Variants in EIPR1 observed in about 807,000 individuals in gnomAD.
EIPR1 encodes EARP and GARP complex-interacting protein 1.
A neutral mutation model predicts 48.1 loss-of-function variants in EIPR1; 25 were observed. That is an observed-to-expected ratio of 0.52 (90% CI 0.38 to 0.73). The LOEUF is 0.73. Among genes scored for constraint, EIPR1 ranks in the 30% least tolerant of loss-of-function variants. The pLI is 0.00. For missense variants in EIPR1, 415 were observed against 506.2 expected (o/e 0.82, Z 1.73); for synonymous variants, 204 against 201.9 (o/e 1.01, Z -0.09).
chr2:3,231,738 T>C (rs537030202), intron 4 of EIPR1, among the ~76,000 whole-genome samples: 3 of 152,366 alleles, frequency 2.0e-5, no homozygotes, highest in African/African-American at 4.8e-5. Context: ...TTTGGTTTAC[T>C]AATATTTTAT....
At chr2:3,219,026 A>G in intron 4 of EIPR1, among the ~76,000 whole-genome samples, 1 of 143,894 alleles carries the variant, frequency 6.9e-6, no homozygotes, top group Non-Finnish European at 1.5e-5. Flanking sequence ...ACCCTGGTAT[A>G]CTCTAGAGCA....
chr2:3,252,569 T>C (rs544878223), intron 4 of EIPR1, among the ~76,000 whole-genome samples: 3 of 152,096 alleles, frequency 2.0e-5, no homozygotes, highest in East Asian at 1.9e-4. Flanking sequence ...CCAGCCTGGG[T>C]GACAGAGGGC....
intron 1 of EIPR1, among the ~76,000 whole-genome samples, chr2:3,355,400 C>T (rs1670697463): frequency 6.6e-6 from 1 of 152,222 alleles, no homozygotes; most frequent in Admixed American, 6.5e-5. Flanking sequence ...CTGATTGGAG[C>T]AGGCCAGTGC....
intron 3 of EIPR1, among the ~76,000 whole-genome samples, chr2:3,307,454 G>A (rs139650623): frequency 6.6e-6 from 1 of 152,320 alleles, no homozygotes; most frequent in Non-Finnish European, 1.5e-5. Context: ...CTACCATGCT[G>A]GGGCCCCAGA....
intron 3 of EIPR1, among the ~76,000 whole-genome samples, chr2:3,285,668 G>A (rs956823693): frequency 2.0e-5 from 3 of 150,350 alleles, no homozygotes; most frequent in Admixed American, 1.3e-4. Flanking sequence ...ATGTCTCCGG[G>A]ACCCTCGCAC....
At chr2:3,350,987 TTC>T (rs1294805034) in intron 2 of EIPR1, among the ~76,000 whole-genome samples, 2 of 150,016 alleles carry the variant, frequency 1.3e-5, no homozygotes, top group East Asian at 2.0e-4. Context: ...TTAAAACACT[TTC>T]TGTCATTTTG....
chr2:3,360,835 A>C (rs1328383168), intron 1 of EIPR1, among the ~76,000 whole-genome samples: 1 of 152,050 alleles, frequency 6.6e-6, no homozygotes, highest in Non-Finnish European at 1.5e-5. Context: ...CTACACTGAG[A>C]GTCTCCCTCC....
intron 3 of EIPR1, among the ~76,000 whole-genome samples, chr2:3,327,452 G>C (rs1039349075): frequency 6.6e-6 from 1 of 152,160 alleles, no homozygotes; most frequent in Non-Finnish European, 1.5e-5. Context: ...CCATAGTGCT[G>C]GGATAACAGG....
In EIPR1 at chr2:3,286,683, G is replaced by A. The variant is rs1282608876; in HGVS notation, c.260-29228C>T. On this transcript the variant is annotated intron_variant, in intron 3 of 8. Transcript: ENST00000382125. The surrounding 1 kb of genome is among the most constrained non-coding windows in gnomAD (Gnocchi z 4.2). ...CGAGACAGCGGCTGGCAGAGCACAGGCAGCAATGCCCCAGAGGAACAAGCC... is the reference window on the plus strand; with the variant it reads ...CGAGACAGCGGCTGGCAGAGCACAGACAGCAATGCCCCAGAGGAACAAGCC... 6.6e-6 allele frequency among the ~76,000 whole-genome samples: 1 copy of A among 152,246 alleles called. No homozygotes were observed. Among genetic ancestry groups the A allele is most frequent in the Non-Finnish European group, 1.5e-5 (1 of 68,036 alleles).
chr2:3,377,439 A>AG lies in EIPR1; in HGVS notation c.42+208dup, dbSNP rs1659928017. ...TCGGGACAGGATGTGAAGGGGAAGG[A>AG]GGCAGGCCGGCTGTGGCCAACCCTG... On this transcript the variant is annotated intron_variant, in intron 1 of 8. Coordinates refer to ENST00000382125, the MANE Select transcript of EIPR1 (RefSeq NM_003310.5). 1.2e-5 allele frequency: 6 copies of AG among 510,178 alleles called. No individual in the cohort carries two copies. In the South Asian group the frequency reaches 2.0e-4, roughly 17 times the overall value. 31.6% of individuals were successfully genotyped at this position (510,178 alleles called of 1,614,324 possible). A position where few individuals can be genotyped will look rare whatever the true frequency, so the allele number is the denominator to read the frequency against.
chr2:3,257,141 C>A (rs1281052274), intron 4 of EIPR1, among the ~76,000 whole-genome samples, 158 bp downstream of exon 4: 2 of 152,314 alleles, frequency 1.3e-5, no homozygotes, highest in East Asian at 3.9e-4. Flanking sequence ...CTAGAAAACA[C>A]AGGGACTAAA....
chr2:3,219,020 T>C (rs1391504250), intron 4 of EIPR1, among the ~76,000 whole-genome samples: 2 of 150,988 alleles, frequency 1.3e-5, no homozygotes. Context: ...AACACGACCC[T>C]GGTATACTCT....
intron 3 of EIPR1, among the ~76,000 whole-genome samples, chr2:3,272,142 A>C (rs969882638): frequency 1.3e-5 from 2 of 152,210 alleles, no homozygotes; most frequent in African/African-American, 2.4e-5. Flanking sequence ...TGGAATAAAG[A>C]GTGAGGGTCT....
chr2:3,230,356 G>A (rs1666204101), intron 4 of EIPR1, among the ~76,000 whole-genome samples: 1 of 152,144 alleles, frequency 6.6e-6, no homozygotes, highest in Admixed American at 6.5e-5. Flanking sequence ...GGTGTGTGTG[G>A]GGAAATCTGT....
chr2:3,296,740 C>A (rs562814752), intron 3 of EIPR1, among the ~76,000 whole-genome samples: 10 of 152,286 alleles, frequency 6.6e-5, no homozygotes, highest in Admixed American at 2.6e-4. Context: ...CACACACACC[C>A]TCCATCCAGC....
chr2:3,323,245 C>T (rs114359484), intron 3 of EIPR1, among the ~76,000 whole-genome samples: 1,881 of 152,230 alleles, frequency 0.012, 32 homozygotes, highest in Middle Eastern at 0.071. Flanking sequence ...AGGCTCAAGA[C>T]GTGGAATCCC....
At chr2:3,314,723 G>A (rs941183021) in intron 3 of EIPR1, among the ~76,000 whole-genome samples, 12 of 151,814 alleles carry the variant, frequency 7.9e-5, no homozygotes, top group South Asian at 2.1e-4. Context: ...TCTAGGCTCC[G>A]ATGCCCCTCT....
intron 5 of EIPR1, among the ~76,000 whole-genome samples, chr2:3,199,284 A>G (rs1289975964): frequency 1.3e-5 from 2 of 152,138 alleles, no homozygotes; most frequent in Non-Finnish European, 2.9e-5. Context: ...CATATTGTTC[A>G]AACACACATG....
At chr2:3,345,674 C>T (rs1670378143) in intron 2 of EIPR1, among the ~76,000 whole-genome samples, 1 of 151,314 alleles carries the variant, frequency 6.6e-6, no homozygotes, top group Non-Finnish European at 1.5e-5. Context: ...ATAGTGAGAC[C>T]AAAATTCTCA....
Sources: gnomAD v4.1 joint callset for allele counts (sites outside exome capture counted in the v4.1 genomes callset) on GRCh38, gnomAD v4.1.1 for gene constraint, Gnocchi (gnomAD v3.1) non-coding constraint, MANE v1.5 for transcripts, NCBI Gene and HGNC (gene_info 2026-07-23, HGNC 2026-07-21) for gene names.